Variants in ACAP3 observed in about 807,000 individuals in gnomAD.
ACAP3 encodes ArfGAP with coiled-coil, ankyrin repeat and PH domains 3, also known as arf-GAP with coiled-coil, ANK repeat and PH domain-containing protein 3.
In ACAP3, 56 loss-of-function variants were observed where a neutral mutation model predicts 104.1. That is an observed-to-expected ratio of 0.54 (90% CI 0.43 to 0.67). The LOEUF is 0.67. Ranked by LOEUF, ACAP3 falls within the 30% of genes least tolerant of loss-of-function variation. The pLI, the probability that ACAP3 is intolerant of heterozygous loss-of-function variation, is 0.00. For synonymous variants in ACAP3, 628 were observed against 496.2 expected, an observed-to-expected ratio of 1.27 and a Z score of -3.53; for missense variants, 1,208 against 1,174.9, an observed-to-expected ratio of 1.03 and a Z score of -0.41.
At chr1:1,295,008 G>A in intron 19 of ACAP3, 192 bp from the exon 20 acceptor site, 1 of 599,604 alleles carries the variant, frequency 1.7e-6, no homozygotes, top group East Asian at 2.9e-5. Context: ...CAGCTCAAAG[G>A]TGCCAGGGGT....
Position 1,298,987 on chromosome 1 carries a change from C to T in ACAP3, c.751-308G>A, listed in dbSNP as rs117075303. The T allele has an allele frequency of 1.5e-3, 835 of 555,706 alleles. 14 individuals are homozygous for T. In the East Asian group the frequency reaches 0.025, roughly 16 times the overall value. 34.4% of individuals were successfully genotyped at this position (555,706 alleles called of 1,614,324 possible). On this transcript the variant is annotated intron_variant, in intron 10 of 23. Transcript: ENST00000354700. ...GGAAGGAAGCTGCGCCCCCACCCTC[C>T]GCATCCTGAGTGCCCCATTCATGTG...
rs1209110073 is a variant in ACAP3, at chr1:1,296,550, A to G, written c.1212T>C (p.Ser404=). 11 of 1,538,926 alleles carry G rather than the reference A, an allele frequency of 7.1e-6. No individual in the cohort carries two copies. The East Asian group carries it at 2.0e-4, about 27-fold the overall frequency. Residue 404 remains serine, a synonymous_variant, in exon 15 of 24, where the codon AGT becomes AGC. Transcript: ENST00000354700. ...CCACACTCTGCACACGCTGCAGCAC[A>G]CTCTCGCCCTTCACGCCACGCTCCC... ...DTRERGVKGE[S]VLQRVQSVAG... is the part of the protein sequence containing the mutation.
rs769656240 is a variant in ACAP3, at chr1:1,296,242, G to A, written c.1376C>T (p.Thr459Met). The A allele has an allele frequency of 2.8e-5, 44 of 1,563,632 alleles. No homozygotes were observed. In the Middle Eastern group the frequency reaches 5.0e-4, roughly 18 times the overall value. ...CAGCTCAGGCTCCCACGAGTCCAGCGTCAGGGACCGCACCTTGGAGCAGTG... is the reference window on the plus strand; with the variant it reads ...CAGCTCAGGCTCCCACGAGTCCAGCATCAGGGACCGCACCTTGGAGCAGTG... ...GVHCSKVRSL[T>M]LDSWEPELLK... The change falls in exon 16 of 24, where the codon ACG becomes ATG. Residue 459 changes from threonine to methionine, a missense_variant. Transcript: ENST00000354700.
intron 1 of ACAP3, chr1:1,306,964 C>A: frequency 2.5e-6 from 1 of 406,416 alleles, no homozygotes. Flanking sequence ...ATCCACACGT[C>A]CTGTGCAAGG....
chr1:1,305,142 G>A (rs949623052), intron 1 of ACAP3: 1 of 152,512 alleles, frequency 6.6e-6, no homozygotes, highest in African/African-American at 2.4e-5. Flanking sequence ...ATTAGGAGCT[G>A]GAGCTGCAGG....
At chr1:1,307,259 TC>T in intron 1 of ACAP3, 1 of 1,283,828 alleles carries the variant, frequency 7.8e-7, no homozygotes, top group East Asian at 5.6e-5. Context: ...TACCTGACCT[TC>T]CCCGCCGCTC....
Position 1,307,868 on chromosome 1 carries a change from A to G in ACAP3, c.-53T>C. The stretch of plus-strand genomic sequence containing the variant: ...CACGAGGACCGCGGCGCCGAGCGGC[A>G]GCCGCGCCGGCCCGGACCGCTCGTC... On this transcript the variant is annotated 5_prime_UTR_variant, in exon 1 of 24. Coordinates refer to ENST00000354700, the MANE Select transcript of ACAP3 (RefSeq NM_030649.3). 1.0e-6 allele frequency: 1 copy of G among 974,152 alleles called. No homozygotes were observed. The highest frequency in any genetic ancestry group is 1.2e-6 in the Non-Finnish European group (1 of 816,576). 60.3% of individuals were successfully genotyped at this position (974,152 alleles called of 1,614,324 possible). A position where few individuals can be genotyped will look rare whatever the true frequency, so the allele number is the denominator to read the frequency against.
chr1:1,300,303 AC>A, intron 6 of ACAP3, 101 bp from the exon 7 acceptor site: 1 of 1,418,024 alleles, frequency 7.1e-7, no homozygotes. Flanking sequence ...GTTCCCTGAG[AC>A]CCCCAGGTCG....
intron 5 of ACAP3, 125 bp downstream of exon 5, chr1:1,301,863 G>A (rs1395507632): frequency 2.2e-6 from 2 of 889,960 alleles, no homozygotes; most frequent in Non-Finnish European, 3.2e-6. Flanking sequence ...CTTCTGCCTT[G>A]TGGAGCCGCT....
chr1:1,293,739 G>T (rs780600736), intron 23 of ACAP3, 31 bp from the exon 24 acceptor site: 31 of 1,452,658 alleles, frequency 2.1e-5, no homozygotes, highest in Non-Finnish European at 2.8e-5. Context: ...AGACGCCCCT[G>T]CCCTGGAGGC....
At chr1:1,301,862 T>G in intron 5 of ACAP3, 126 bp downstream of exon 5, 1 of 872,082 alleles carries the variant, frequency 1.1e-6, no homozygotes, top group Non-Finnish European at 1.6e-6. Context: ...CCTTCTGCCT[T>G]GTGGAGCCGC....
At chr1:1,307,433 C>T (rs1641784875) in intron 1 of ACAP3, 2 of 1,294,538 alleles carry the variant, frequency 1.5e-6, no homozygotes, top group African/African-American at 3.0e-5. Context: ...CCCACGGACC[C>T]AGACGACCCT....
At position 1,294,558 on chromosome 1, in the gene ACAP3, C is replaced by T. The variant is rs1053375951; in HGVS notation, c.1983G>A (p.Ala661=). 3.3e-6 allele frequency: 5 copies of T among 1,502,656 alleles called. No individual in the cohort carries two copies. The highest frequency in any genetic ancestry group is 3.5e-6 in the Non-Finnish European group (4 of 1,134,918). The allele number at this position is 1,502,656 out of a possible 1,614,324, so 93.1% of individuals were successfully genotyped here. The change falls in exon 21 of 24, where the codon GCG becomes GCA. Residue 661 remains alanine, a synonymous_variant. Coordinates refer to ENST00000354700, the MANE Select transcript of ACAP3 (RefSeq NM_030649.3). ...GCCCCGGGTGCAGCTCGCGCACGTC[C>T]GCCAGGCCCCAGGCCTCGGCCTCAG... ...GDTEAEAWGL[A]DVRELHPGLL... is the part of the protein sequence containing the mutation.
chr1:1,293,639 C>G lies in ACAP3; in HGVS notation c.2430G>C (p.Leu810=). The part of the protein sequence containing the change: ...AEAAPGPPGA[L]AGSPTELQFR... ...ACTGGAGCTCCGTGGGGCTGCCCGCCAGGGCGCCCGGGGGACCAGGGGCAG... is the reference window on the plus strand; with the variant it reads ...ACTGGAGCTCCGTGGGGCTGCCCGCGAGGGCGCCCGGGGGACCAGGGGCAG... The change falls in exon 24 of 24, where the codon CTG becomes CTC. Residue 810 remains leucine (L), a synonymous_variant. Transcript: ENST00000354700. 2 of 1,486,172 alleles carry G rather than the reference C, an allele frequency of 1.3e-6. No individual in the cohort carries two copies. Among genetic ancestry groups the G allele is most frequent in the Non-Finnish European group, 1.8e-6 (2 of 1,125,488 alleles). 92.1% of individuals were successfully genotyped at this position (1,486,172 alleles called of 1,614,324 possible). A position where few individuals can be genotyped will look rare whatever the true frequency, so the allele number is the denominator to read the frequency against.
chr1:1,295,450 G>A lies in ACAP3; in HGVS notation c.1810C>T (p.Arg604Cys), dbSNP rs1021725778. 1.2e-6 allele frequency: 2 copies of A among 1,612,332 alleles called. No homozygotes were observed. The highest frequency in any genetic ancestry group is 1.1e-5 in the South Asian group (1 of 91,076). Residue 604 changes from arginine to cysteine, a missense_variant, in exon 19 of 24, where the codon CGC (arginine) becomes TGC (cysteine). Coordinates refer to ENST00000354700, the MANE Select transcript of ACAP3 (RefSeq NM_030649.3). ...GCTGGGCCCACCCCACACTTACTGC[G>A]AGGGCCAGCCCCTGCGGCCCCTGCG... ...FDAGAAGAGP[R>C]SLSSDSGLGG...
intron 14 of ACAP3, among the ~76,000 whole-genome samples, chr1:1,297,615 AG>A (rs1641241204): frequency 2.6e-5 from 1 of 38,342 alleles, no homozygotes; most frequent in Non-Finnish European, 3.7e-5. Flanking sequence ...GTGTGTGCAC[AG>A]GCACGGGGCA....
intron 18 of ACAP3, 22 bp downstream of exon 18, chr1:1,295,714 C>A: frequency 6.3e-7 from 1 of 1,587,440 alleles, no homozygotes. Context: ...CCTCCCAGCC[C>A]TGCCGGGGCA....
At chr1:1,294,877 T>TG (rs1641048275) in intron 19 of ACAP3, 61 bp from the exon 20 acceptor site, 1 of 1,516,512 alleles carries the variant, frequency 6.6e-7, no homozygotes, top group Non-Finnish European at 8.9e-7. Context: ...TCCAGAGCCC[T>TG]GGGGCAAGGC....
intron 9 of ACAP3, 190 bp from the exon 10 acceptor site, chr1:1,299,546 G>T: frequency 1.3e-6 from 1 of 790,856 alleles, no homozygotes. Flanking sequence ...GATGGTGGCC[G>T]GGGCTGCTGT....
Sources: gnomAD v4.1 joint callset for allele counts (sites outside exome capture counted in the v4.1 genomes callset) on GRCh38, gnomAD v4.1.1 for gene constraint, MANE v1.5 for transcripts, NCBI Gene and HGNC (gene_info 2026-07-23, HGNC 2026-07-21) for gene names.